The following C4B variants were observed in gnomAD, a reference collection of about 807,000 sequenced individuals.
C4B encodes complement C4B (Chido/Rodgers blood group).
A neutral mutation model predicts 46.2 loss-of-function variants in C4B; 6 were observed. The observed-to-expected ratio is 0.13, with a 90% CI of 0.07 to 0.26. The LOEUF (loss-of-function observed/expected upper bound fraction) is 0.26. Ranked by LOEUF, C4B falls within the 10% of genes least tolerant of loss-of-function variation. The pLI is 1.00. For missense variants in C4B, 119 were observed against 560.9 expected, an observed-to-expected ratio of 0.21 and a Z score of 7.96; for synonymous variants, 61 against 240.1, an observed-to-expected ratio of 0.25 and a Z score of 6.90.
Position 32,029,291 on chromosome 6 carries a change from G to A in C4B, c.3629G>A (p.Arg1210Gln), listed in dbSNP as rs2229409. 2 of 1,566,648 alleles carry A rather than the reference G, an allele frequency of 1.3e-6. No homozygotes were observed. The highest frequency in any genetic ancestry group is 2.3e-5 in the South Asian group (2 of 88,252). ...CTGACCAAGGCCCCTGCGGACCTGCGGGGTGTTGCCCACAACAACCTCATG... is the reference window on the plus strand; with the variant it reads ...CTGACCAAGGCCCCTGCGGACCTGCAGGGTGTTGCCCACAACAACCTCATG... ...LTLTKAPADLRGVAHNNLMAM... is the reference protein window; with the variant it reads ...LTLTKAPADLQGVAHNNLMAM... The change falls in exon 28 of 41, where the codon CGG (arginine) becomes CAG (glutamine). Residue 1210 changes from arginine (R) to glutamine (Q), a missense_variant. Transcript: ENST00000435363.
In C4B at chr6:32,029,308, A is replaced by G; in HGVS notation, c.3646A>G (p.Asn1216Asp). 6.4e-7 allele frequency: 1 copy of G among 1,565,458 alleles called. No homozygotes were observed. Among genetic ancestry groups the G allele is most frequent in the South Asian group, 1.1e-5 (1 of 88,196 alleles). ...PADLRGVAHN[N>D]LMAMAQETGD... is the part of the protein sequence containing the mutation. ...GGACCTGCGGGGTGTTGCCCACAAC[A>G]ACCTCATGGCAATGGCCCAGGAGAC... The change falls in exon 28 of 41, where the codon AAC becomes GAC. Residue 1216 changes from asparagine (N) to aspartate (D), a missense_variant. Asn to Asp is a conservative substitution (Grantham distance 23). Transcript: ENST00000435363.
Position 32,029,016 on chromosome 6 carries a change from G to A in C4B, c.3459G>A (p.Leu1153=). The part of the protein sequence containing the change: ...AFVTIALHHG[L]AVFQDEGAEP... Reference sequence around the variant, plus strand: ...TGACCATCGCCCTTCATCATGGGCTGGCCGTCTTCCAGGATGAGGGTGCAG... The same window carrying A: ...TGACCATCGCCCTTCATCATGGGCTAGCCGTCTTCCAGGATGAGGGTGCAG... Residue 1153 remains leucine (L), a synonymous_variant, in exon 27 of 41, where the codon CTG becomes CTA. Coordinates refer to ENST00000435363, the MANE Select transcript of C4B (RefSeq NM_001002029.4). 6.4e-7 allele frequency: 1 copy of A among 1,551,386 alleles called. No homozygotes were observed. The highest frequency in any genetic ancestry group is 8.8e-7 in the Non-Finnish European group (1 of 1,133,066).
chr6:32,029,456 G>A (rs1268916742), intron 28 of C4B, 110 bp from the exon 29 acceptor site: 1 of 1,502,656 alleles, frequency 6.7e-7, no homozygotes, highest in Non-Finnish European at 9.0e-7. Flanking sequence ...TTATAAGCAG[G>A]GGTGGGTTGG....
At chr6:32,030,079 G>C (rs1386894369) in intron 30 of C4B, 31 bp downstream of exon 30, 1 of 1,017,360 alleles carries the variant, frequency 9.8e-7, no homozygotes, top group Non-Finnish European at 1.5e-6. Context: ...CCACTCCCTC[G>C]CCTGGGTAGC....
rs371674141 is a variant in C4B at position 32,029,075 on chromosome 6, C to T, written c.3504+14C>T. The T allele has an allele frequency of 1.9e-5, 30 of 1,558,480 alleles. 1 individual carries two copies. The African/African-American group carries it at 1.9e-4, about 10-fold the overall frequency. On this transcript the variant is annotated intron_variant, in intron 27 of 40. Transcript: ENST00000435363. ...AAGCAGAGAGTGGTAAGTTCAGTGGCGTTTCTGCCCTCTGCTGGCCCCCAG... is the reference window on the plus strand; with the variant it reads ...AAGCAGAGAGTGGTAAGTTCAGTGGTGTTTCTGCCCTCTGCTGGCCCCCAG...
Position 32,028,521 on chromosome 6 carries a change from C to T in C4B, c.3219C>T (p.Gly1073=), listed in dbSNP as rs145045914. ...CCTATGCGGCTTGGTTGTCACGGGGCAGCAGCACCTGGTGAGCTTGGGAGA... is the reference window on the plus strand; with the variant it reads ...CCTATGCGGCTTGGTTGTCACGGGGTAGCAGCACCTGGTGAGCTTGGGAGA... ...DGSYAAWLSR[G]SSTWLTAFVL... Residue 1073 remains glycine (G), a synonymous_variant, in exon 25 of 41, where the codon GGC becomes GGT. Transcript: ENST00000435363. 5.2e-5 allele frequency: 80 copies of T among 1,538,638 alleles called. 13 individuals carry two copies. The highest frequency in any genetic ancestry group is 7.0e-5 in the Non-Finnish European group (79 of 1,124,160).
intron 31 of C4B, 138 bp downstream of exon 31, chr6:32,030,639 GT>G: frequency 6.4e-6 from 1 of 155,682 alleles, no homozygotes; most frequent in East Asian, 1.5e-4. Flanking sequence ...CGTCCTGGGT[GT>G]TTTTCCCCCT....
chr6:32,027,424 G>GCA lies in C4B; in HGVS notation c.2781_2782insCA (p.Ser928HisfsTer42). 2.3e-6 allele frequency: 2 copies of GCA among 855,266 alleles called. No homozygotes were observed. The highest frequency in any genetic ancestry group is 3.1e-6 in the Non-Finnish European group (2 of 652,656). 53.0% of individuals were successfully genotyped at this position (855,266 alleles called of 1,614,324 possible). Reference sequence around the variant, plus strand: ...TCGAATTCCCTGTGGGAGATGCGGTGTCCAAGGTTCTGCAGATTGAGGTGA... The same window carrying GCA: ...TCGAATTCCCTGTGGGAGATGCGGTGCATCCAAGGTTCTGCAGATTGAGGTGA... On this transcript the variant is annotated frameshift_variant, in exon 21 of 41. Transcript: ENST00000435363. LOFTEE classifies it high-confidence loss of function.
In C4B at chr6:32,028,838, A is replaced by G. The variant is rs1223337852; in HGVS notation, c.3376A>G (p.Arg1126Gly). ...CCAGGACCTCTCTCCAGTGATACAT[A>G]GGAGCATGCAGGTGCGGGCATGCTG... Reference protein sequence around the residue: ...SFQDLSPVIHRSMQGGLVGND... With the variant: ...SFQDLSPVIHGSMQGGLVGND... Residue 1126 changes from arginine (R) to glycine (G), a missense_variant, in exon 26 of 41, where the codon AGG becomes GGG. Physicochemically the swap from Arg to Gly is moderately radical, Grantham distance 125 (BLOSUM62 -2). Transcript: ENST00000435363. 13 of 1,562,398 alleles carry G rather than the reference A, an allele frequency of 8.3e-6. No individual in the cohort carries two copies. The highest frequency in any genetic ancestry group is 1.4e-5 in the African/African-American group (1 of 71,544).
chr6:32,029,193 A>G lies in C4B; in HGVS notation c.3531A>G (p.Ser1177=), dbSNP rs561936351. 2.1e-5 allele frequency: 33 copies of G among 1,591,590 alleles called. 2 individuals are homozygous for G. In the East Asian group the frequency reaches 6.7e-4, roughly 32 times the overall value. The change falls in exon 28 of 41, where the codon TCA becomes TCG. Residue 1177 remains serine, a synonymous_variant. Transcript: ENST00000435363. ...RVEASISKAS[S]FLGEKASAGL... is the part of the protein sequence containing the mutation. ...AAGCCTCCATCTCAAAGGCAAGCTC[A>G]TTTTTGGGGGAGAAAGCAAGTGCTG...
intron 28 of C4B, 94 bp downstream of exon 28, chr6:32,029,432 G>C: frequency 6.6e-7 from 1 of 1,526,492 alleles, no homozygotes; most frequent in Non-Finnish European, 8.9e-7. Context: ...TGAAGACTCA[G>C]AGGAGGAATG....
intron 25 of C4B, 63 bp from the exon 26 acceptor site, chr6:32,028,630 C>T: frequency 6.8e-7 from 1 of 1,464,330 alleles, no homozygotes; most frequent in Middle Eastern, 1.8e-4. Context: ...AACCAGGCAC[C>T]TGGGGGCGTG....
Position 32,028,868 on chromosome 6 carries a change from T to C in C4B, c.3387+19T>C. The stretch of plus-strand genomic sequence containing the variant: ...CATGCAGGTGCGGGCATGCTGGGGC[T>C]GGCCCGAGAAGCGCCTGTCGGAGGA... On this transcript the variant is annotated intron_variant, in intron 26 of 40. Transcript: ENST00000435363. The C allele has an allele frequency of 1.3e-6, 2 of 1,564,470 alleles. No homozygotes were observed. Among genetic ancestry groups the C allele is most frequent in the Non-Finnish European group, 1.7e-6 (2 of 1,145,392 alleles).
chr6:32,029,103 C>G, intron 27 of C4B, 42 bp downstream of exon 27: 1 of 1,578,260 alleles, frequency 6.3e-7, no homozygotes, highest in Non-Finnish European at 8.7e-7. Context: ...GCCCCCAGCT[C>G]TCTCCCTTTT....
In C4B at chr6:32,029,353, G is replaced by T; in HGVS notation, c.3676+15G>T. ...GGAGACTGGAGGTGAGGGGTGAGGG[G>T]CTCTGGCAGTGAGCCTGAGGCCCAG... On this transcript the variant is annotated intron_variant, in intron 28 of 40. Transcript: ENST00000435363. 1 of 1,529,468 alleles carries T rather than the reference G, an allele frequency of 6.5e-7. No individual in the cohort carries two copies. The highest frequency in any genetic ancestry group is 8.9e-7 in the Non-Finnish European group (1 of 1,125,750). 94.7% of individuals were successfully genotyped at this position (1,529,468 alleles called of 1,614,324 possible). A position where few individuals can be genotyped will look rare whatever the true frequency, so the allele number is the denominator to read the frequency against.
chr6:32,028,545 G>A lies in C4B; in HGVS notation c.3230+13G>A, dbSNP rs1775708584. On this transcript the variant is annotated intron_variant, in intron 25 of 40. Coordinates refer to ENST00000435363, the MANE Select transcript of C4B (RefSeq NM_001002029.4). ...GCAGCAGCACCTGGTGAGCTTGGGAGAGTGGTTCCAGGGTTCTGAGGGGGT... is the reference window on the plus strand; with the variant it reads ...GCAGCAGCACCTGGTGAGCTTGGGAAAGTGGTTCCAGGGTTCTGAGGGGGT... The A allele has an allele frequency of 3.9e-6, 6 of 1,539,226 alleles. 1 individual carries two copies. Among genetic ancestry groups the A allele is most frequent in the Non-Finnish European group, 5.3e-6 (6 of 1,124,536 alleles).
In C4B at chr6:32,029,224, C is replaced by T; in HGVS notation, c.3562C>T (p.Leu1188=). ...GGGGGAGAAAGCAAGTGCTGGGCTC[C>T]TGGGTGCCCACGCAGCTGCCATCAC... is the stretch of plus-strand genomic sequence containing the variant. The part of the protein sequence containing the change: ...FLGEKASAGL[L]GAHAAAITAY... The change falls in exon 28 of 41, where the codon CTG becomes TTG. Residue 1188 remains leucine (L), a synonymous_variant. Transcript: ENST00000435363. 1 of 1,591,664 alleles carries T rather than the reference C, an allele frequency of 6.3e-7. No homozygotes were observed. Among genetic ancestry groups the T allele is most frequent in the Non-Finnish European group, 8.6e-7 (1 of 1,163,156 alleles).
Position 32,028,532 on chromosome 6 carries a change from G to A in C4B, c.3230G>A (p.Trp1077Ter). 3 of 1,539,080 alleles carry A rather than the reference G, an allele frequency of 1.9e-6. 1 individual carries two copies. Among genetic ancestry groups the A allele is most frequent in the Non-Finnish European group, 2.7e-6 (3 of 1,124,310 alleles). Reference sequence around the variant, plus strand: ...TGGTTGTCACGGGGCAGCAGCACCTGGTGAGCTTGGGAGAGTGGTTCCAGG... The same window carrying A: ...TGGTTGTCACGGGGCAGCAGCACCTAGTGAGCTTGGGAGAGTGGTTCCAGG... ...AAWLSRGSST[W>*]LTAFVLKVLS... The change falls in exon 25 of 41, where the codon TGG (tryptophan) becomes TAG (stop). Residue 1077 changes from tryptophan to a stop codon, truncating the protein, a stop_gained and splice_region_variant. Transcript: ENST00000435363. LOFTEE classifies it high-confidence loss of function.
chr6:32,029,371 A>C, intron 28 of C4B, 33 bp downstream of exon 28: 1 of 1,541,558 alleles, frequency 6.5e-7, no homozygotes, highest in South Asian at 1.1e-5. Context: ...AGTGAGCCTG[A>C]GGCCCAGGGG....
Sources: allele counts gnomAD v4.1 joint callset, GRCh38; gene constraint gnomAD v4.1.1; transcripts MANE v1.5; gene names NCBI Gene and HGNC (gene_info 2026-07-23, HGNC 2026-07-21).